Variants in COPS3 observed in about 807,000 individuals in gnomAD.
COPS3 encodes the protein COP9 signalosome complex subunit 3.
COPS3 carries 10 observed loss-of-function variants against 58.2 expected under a neutral mutation model. The observed-to-expected ratio is 0.17, with a 90% confidence interval of 0.11 to 0.29. COPS3 has a LOEUF of 0.29. Among genes scored for constraint, COPS3 ranks in the 10% least tolerant of loss-of-function variants. The pLI is 1.00. For synonymous variants in COPS3, 187 were observed against 181.7 expected (o/e 1.03, Z -0.24); for missense variants, 333 against 510.1 (o/e 0.65, Z 3.34).
In COPS3 at chr17:17,268,342, GAAAATT is replaced by G. The variant is rs2048272371; in HGVS notation, c.349-371_349-366del. 3.3e-5 allele frequency among the ~76,000 whole-genome samples: 5 copies of G among 152,252 alleles called. 1 individual carries two copies. The South Asian group carries it at 1.0e-3, about 32-fold the overall frequency. On this transcript the variant is annotated intron_variant, in intron 4 of 11. Coordinates refer to ENST00000268717, the MANE Select transcript of COPS3 (RefSeq NM_003653.4). ...ACAAGAGACAACAGCCTATGCTTAG[GAAAATT>G]ACTTGTGGCTAAGGGTGTTGGCATT... is the stretch of plus-strand genomic sequence containing the variant.
At chr17:17,249,636 G>A (rs937094010) in intron 9 of COPS3, among the ~76,000 whole-genome samples, 1 of 152,150 alleles carries the variant, frequency 6.6e-6, no homozygotes, top group Non-Finnish European at 1.5e-5. Context: ...AGCATTACAG[G>A]CATGCACCAC....
intron 9 of COPS3, among the ~76,000 whole-genome samples, chr17:17,250,253 CCTTT>C (rs971051769): frequency 1.5e-5 from 2 of 129,854 alleles, no homozygotes; most frequent in African/African-American, 5.9e-5. Flanking sequence ...ACTTACATCG[CCTTT>C]TTTTTTTTTT....
chr17:17,266,869 G>A (rs1252614232), intron 5 of COPS3, among the ~76,000 whole-genome samples: 1 of 151,432 alleles, frequency 6.6e-6, no homozygotes, highest in African/African-American at 2.4e-5. Context: ...TTAAGTCTCA[G>A]GTTCCACAAT....
intron 8 of COPS3, among the ~76,000 whole-genome samples, chr17:17,259,843 G>A (rs556099348): frequency 8.6e-5 from 13 of 151,612 alleles, no homozygotes; most frequent in East Asian, 5.8e-4. Flanking sequence ...GCAATGAGCC[G>A]AAATCACGCC....
intron 10 of COPS3, 32 bp from the exon 11 acceptor site, chr17:17,247,592 C>T (rs528078770): frequency 2.7e-5 from 43 of 1,610,744 alleles, no homozygotes; most frequent in South Asian, 2.2e-4. Flanking sequence ...AGGTGGTCAG[C>T]GGCGGGTTTA....
Position 17,276,069 on chromosome 17 carries a change from C to G in COPS3, c.151G>C (p.Val51Leu), listed in dbSNP as rs747312863. The change falls in exon 2 of 12, where the codon GTA becomes CTA. Residue 51 changes from valine (V) to leucine (L), a missense_variant. By Grantham distance (32) the Val-to-Leu change is conservative. Transcript: ENST00000268717. The part of the protein sequence containing the change: ...HLDTVLGALD[V>L]QEHSLGVLAV... ...AGGACGCCCAAGGAGTGTTCTTGTACATCCAGAGCCCCGAGCACAGTGTCC... is the reference window on the plus strand; with the variant it reads ...AGGACGCCCAAGGAGTGTTCTTGTAGATCCAGAGCCCCGAGCACAGTGTCC... The G allele has an allele frequency of 6.2e-7, 1 of 1,614,034 alleles. No homozygotes were observed. The highest frequency in any genetic ancestry group is 8.5e-7 in the Non-Finnish European group (1 of 1,180,000).
chr17:17,247,024 T>A lies in COPS3; in HGVS notation c.*74A>T. Reference sequence around the variant, plus strand: ...TCCAGGTGACACAGGCTTGGTCCTCTCTGCTGCCCTCCGAACACTTGTCAC... The same window carrying A: ...TCCAGGTGACACAGGCTTGGTCCTCACTGCTGCCCTCCGAACACTTGTCAC... On this transcript the variant is annotated 3_prime_UTR_variant, in exon 12 of 12. Coordinates refer to ENST00000268717, the MANE Select transcript of COPS3 (RefSeq NM_003653.4). The A allele has an allele frequency of 7.4e-7, 1 of 1,347,346 alleles. No homozygotes were observed. The highest frequency in any genetic ancestry group is 1.1e-6 in the Non-Finnish European group (1 of 936,770). 83.5% of individuals were successfully genotyped at this position (1,347,346 alleles called of 1,614,324 possible). A position where few individuals can be genotyped will look rare whatever the true frequency, so the allele number is the denominator to read the frequency against.
Position 17,264,906 on chromosome 17 carries a change from T to C in COPS3, c.517A>G (p.Asn173Asp). 6.2e-7 allele frequency: 1 copy of C among 1,613,892 alleles called. No homozygotes were observed. Among genetic ancestry groups the C allele is most frequent in the Non-Finnish European group, 8.5e-7 (1 of 1,179,888 alleles). The stretch of plus-strand genomic sequence containing the variant: ...AAGTGTTTTGCATCATAGGCTCCAT[T>C]CTCTTTACAGATATCCATCATATCC... ...DVDMMDICKE[N>D]GAYDAKHFLC... is the part of the protein sequence containing the mutation. The change falls in exon 6 of 12, where the codon AAT (asparagine) becomes GAT (aspartate). Residue 173 changes from asparagine to aspartate, a missense_variant. Coordinates refer to ENST00000268717, the MANE Select transcript of COPS3 (RefSeq NM_003653.4).
At chr17:17,278,392 A>G (rs1384901839) in intron 1 of COPS3, among the ~76,000 whole-genome samples, 1 of 152,244 alleles carries the variant, frequency 6.6e-6, no homozygotes, top group East Asian at 1.9e-4. Flanking sequence ...AAGTGACTAT[A>G]GCTAGGTACT....
intron 5 of COPS3, among the ~76,000 whole-genome samples, chr17:17,265,276 T>A (rs1251492279): frequency 1.3e-5 from 2 of 152,220 alleles, no homozygotes; most frequent in Non-Finnish European, 2.9e-5. Flanking sequence ...AAGTTGGCAT[T>A]CTAAAGATTT....
At position 17,280,965 on chromosome 17, in the gene COPS3, C is replaced by A. The variant is rs996017566; in HGVS notation, c.55+167G>T. On this transcript the variant is annotated intron_variant, in intron 1 of 11. Coordinates refer to ENST00000268717, the MANE Select transcript of COPS3 (RefSeq NM_003653.4). Reference sequence around the variant, plus strand: ...GGAGCGCGAGGGGGCTGCCTACACTCGGCCGCGCTCGATCCTGCCCTGATC... The same window carrying A: ...GGAGCGCGAGGGGGCTGCCTACACTAGGCCGCGCTCGATCCTGCCCTGATC... Among the ~76,000 whole-genome samples the A allele has an allele frequency of 3.9e-5, 6 of 152,112 alleles. 1 individual carries two copies. Among genetic ancestry groups the A allele is most frequent in the Admixed American group, 3.3e-4 (5 of 15,282 alleles).
intron 4 of COPS3, among the ~76,000 whole-genome samples, chr17:17,270,369 A>G (rs1462972516): frequency 1.3e-5 from 2 of 152,190 alleles, no homozygotes; most frequent in Non-Finnish European, 2.9e-5. Context: ...CATTTGGAAA[A>G]TCTAGGTAAA....
At chr17:17,274,737 A>G (rs1389234441) in intron 2 of COPS3, among the ~76,000 whole-genome samples, 1 of 151,062 alleles carries the variant, frequency 6.6e-6, no homozygotes, top group East Asian at 1.9e-4. Context: ...TTTTCTTGAA[A>G]TTACATTTCA....
intron 10 of COPS3, among the ~76,000 whole-genome samples, chr17:17,248,359 G>A (rs897023949): frequency 6.6e-6 from 1 of 152,128 alleles, no homozygotes; most frequent in African/African-American, 2.4e-5. Flanking sequence ...TGTTGCCCAG[G>A]CTGGAGTGCA....
chr17:17,258,080 C>A (rs933150372), intron 8 of COPS3, among the ~76,000 whole-genome samples: 1 of 152,122 alleles, frequency 6.6e-6, no homozygotes, highest in African/African-American at 2.4e-5. Flanking sequence ...ACAGATGTAA[C>A]CTTCTGACTA....
Position 17,247,044 on chromosome 17 carries a change from T to C in COPS3, c.*54A>G. 1 of 1,523,162 alleles carries C rather than the reference T, an allele frequency of 6.6e-7. No individual in the cohort carries two copies. Among genetic ancestry groups the C allele is most frequent in the Admixed American group, 1.7e-5 (1 of 59,902 alleles). 94.4% of individuals were successfully genotyped at this position (1,523,162 alleles called of 1,614,324 possible). A position where few individuals can be genotyped will look rare whatever the true frequency, so the allele number is the denominator to read the frequency against. ...TCCTCTCTGCTGCCCTCCGAACACT[T>C]GTCACTGGCCAAGATGGTAGTTTCT... On this transcript the variant is annotated 3_prime_UTR_variant, in exon 12 of 12. Coordinates refer to ENST00000268717, the MANE Select transcript of COPS3 (RefSeq NM_003653.4).
chr17:17,266,119 G>A (rs1271787219), intron 5 of COPS3, among the ~76,000 whole-genome samples: 1 of 152,132 alleles, frequency 6.6e-6, no homozygotes, highest in Non-Finnish European at 1.5e-5. Flanking sequence ...TAGAACATGT[G>A]TTTGAAATAA....
At chr17:17,256,581 A>G (rs906928780) in intron 8 of COPS3, among the ~76,000 whole-genome samples, 3 of 152,114 alleles carry the variant, frequency 2.0e-5, no homozygotes, top group African/African-American at 7.2e-5. Flanking sequence ...AGAGCTGGGC[A>G]TATTAAAACC....
chr17:17,278,866 ATTCTTTTTT>A (rs2048515095), intron 1 of COPS3, among the ~76,000 whole-genome samples: 2 of 151,468 alleles, frequency 1.3e-5, no homozygotes, highest in South Asian at 2.1e-4. Flanking sequence ...GGCCAATAAA[ATTCTTTTTT>A]TTCTTTTTTT....
Sources: allele counts gnomAD v4.1 joint callset (sites outside exome capture counted in the v4.1 genomes callset), GRCh38; gene constraint gnomAD v4.1.1; transcripts MANE v1.5; gene names NCBI Gene and HGNC (gene_info 2026-07-23, HGNC 2026-07-21).